CDH6: variants seen among roughly 807,000 people sequenced by gnomAD.
CDH6 encodes the protein cadherin 6.
CDH6 carries 31 observed loss-of-function variants against 78.0 expected under a neutral mutation model. The observed-to-expected ratio is 0.40, with a 90% CI of 0.30 to 0.54. The LOEUF is 0.54. Among genes scored for constraint, CDH6 ranks in the 20% least tolerant of loss-of-function variants. The pLI, the probability that CDH6 is intolerant of heterozygous loss-of-function variation, is 0.56. For synonymous variants in CDH6, 376 were observed against 368.8 expected (o/e 1.02, Z -0.23); for missense variants, 724 against 975.9 (o/e 0.74, Z 3.44).
chr5:31,246,075 AT>A (rs1215286263), intron 1 of CDH6, among the ~76,000 whole-genome samples: 2 of 150,766 alleles, frequency 1.3e-5, no homozygotes, highest in African/African-American at 4.9e-5. Flanking sequence ...ACCCAGCTAA[AT>A]TTTTTTTGTA....
At chr5:31,247,587 G>C (rs1352089941) in intron 1 of CDH6, among the ~76,000 whole-genome samples, 2 of 152,192 alleles carry the variant, frequency 1.3e-5, no homozygotes, top group Non-Finnish European at 2.9e-5. Flanking sequence ...AAGATAAAGT[G>C]CCAAAGTCAT....
chr5:31,240,800 T>C lies in CDH6; in HGVS notation c.-128-26546T>C, dbSNP rs542455819. 1.6e-4 allele frequency among the ~76,000 whole-genome samples: 24 copies of C among 152,318 alleles called. 1 individual carries two copies. The South Asian group carries it at 4.8e-3, about 30-fold the overall frequency. On this transcript the variant is annotated intron_variant, in intron 1 of 11. Coordinates refer to ENST00000265071, the MANE Select transcript of CDH6 (RefSeq NM_004932.4). ...TGATAGTGTCGCTCTGAGTTGTGTG[T>C]GGCACAGTTGAACATTACGAAATGA... is the stretch of plus-strand genomic sequence containing the variant.
At chr5:31,265,938 C>A (rs1742337688) in intron 1 of CDH6, among the ~76,000 whole-genome samples, 2 of 151,480 alleles carry the variant, frequency 1.3e-5, no homozygotes, top group African/African-American at 4.8e-5. Context: ...CCACGCCCGG[C>A]TAATTTTTTG....
At chr5:31,225,830 T>A (rs1741137171) in intron 1 of CDH6, among the ~76,000 whole-genome samples, 1 of 152,194 alleles carries the variant, frequency 6.6e-6, no homozygotes, top group South Asian at 2.1e-4. Context: ...TGGTACTGCA[T>A]GGTGGGTGCG....
chr5:31,309,536 G>GA (rs1738086010), intron 7 of CDH6, among the ~76,000 whole-genome samples: 1 of 151,968 alleles, frequency 6.6e-6, no homozygotes. Context: ...AAATCCAGCT[G>GA]AAATGGGCAG....
rs138602837 is a variant in CDH6 at position 31,323,011 on chromosome 5, T to A, written c.2076T>A (p.Ile692=). The A allele has an allele frequency of 8.7e-6, 14 of 1,614,148 alleles. No individual in the cohort carries two copies. Among genetic ancestry groups the A allele is most frequent in the Non-Finnish European group, 1.1e-5 (13 of 1,180,028 alleles). Residue 692 remains isoleucine, a synonymous_variant, in exon 12 of 12, where the codon ATT becomes ATA. Coordinates refer to ENST00000265071, the MANE Select transcript of CDH6 (RefSeq NM_004932.4). ...AGGACAACAAATTACGAAGGGACAT[T>A]GTGCCCGAAGCCCTTTTCCTACCCC... ...AIEDNKLRRD[I]VPEALFLPRR...
intron 1 of CDH6, among the ~76,000 whole-genome samples, chr5:31,217,203 T>A (rs1407061270): frequency 6.6e-6 from 1 of 152,220 alleles, no homozygotes; most frequent in East Asian, 1.9e-4. Flanking sequence ...TAAATTTAGA[T>A]CCGTTTTAAG....
At position 31,317,836 on chromosome 5, in the gene CDH6, A is replaced by G; in HGVS notation, c.1794A>G (p.Gln598=). The G allele has an allele frequency of 6.2e-7, 1 of 1,614,096 alleles. No homozygotes were observed. ...VCACDHHGNM[Q]SCHAEALIHP... ...CATGTGACCACCACGGGAACATGCA[A>G]TCCTGCCATGCGGAGGCGCTCATCC... Residue 598 remains glutamine (Q), a synonymous_variant, in exon 11 of 12, where the codon CAA becomes CAG. Transcript: ENST00000265071.
intron 1 of CDH6, among the ~76,000 whole-genome samples, chr5:31,227,821 C>T (rs1054161484): frequency 3.9e-5 from 6 of 152,208 alleles, no homozygotes; most frequent in Non-Finnish European, 8.8e-5. Flanking sequence ...AACCATCCTA[C>T]ATCTAAACAA....
intron 1 of CDH6, chr5:31,251,589 G>A (rs1032364688): frequency 6.6e-6 from 1 of 152,152 alleles, no homozygotes; most frequent in African/African-American, 2.4e-5. Flanking sequence ...TTGCAAATGG[G>A]AATTGGAAGT....
chr5:31,300,647 G>A (rs887596174), intron 5 of CDH6, among the ~76,000 whole-genome samples: 1 of 152,124 alleles, frequency 6.6e-6, no homozygotes, highest in Non-Finnish European at 1.5e-5. Context: ...TTTTTAATAT[G>A]GAGATTCCCT....
intron 1 of CDH6, among the ~76,000 whole-genome samples, chr5:31,236,556 G>A (rs578149379): frequency 2.0e-5 from 3 of 152,084 alleles, no homozygotes; most frequent in African/African-American, 4.8e-5. Context: ...GTTGCCACGT[G>A]CTGCATCCTA....
At chr5:31,317,946 C>G (rs758598953) in intron 11 of CDH6, 22 bp downstream of exon 11, 12 of 1,608,774 alleles carry the variant, frequency 7.5e-6, no homozygotes, top group Middle Eastern at 3.3e-4. Context: ...CTCCCTGCCT[C>G]CTATCTCCCC....
intron 8 of CDH6, 103 bp downstream of exon 8, chr5:31,313,557 T>G: frequency 9.2e-7 from 1 of 1,088,498 alleles, no homozygotes; most frequent in Non-Finnish European, 1.3e-6. Flanking sequence ...CAATCCCACT[T>G]GATATATATT....
intron 1 of CDH6, among the ~76,000 whole-genome samples, chr5:31,200,406 AT>A (rs1740317498): frequency 6.6e-6 from 1 of 151,962 alleles, no homozygotes; most frequent in Non-Finnish European, 1.5e-5. Context: ...TGGATGTAGC[AT>A]TTGGGACTCT....
chr5:31,247,475 C>G (rs1444618209), intron 1 of CDH6, among the ~76,000 whole-genome samples: 1 of 152,160 alleles, frequency 6.6e-6, no homozygotes, highest in African/African-American at 2.4e-5. Flanking sequence ...TTGCTGCCCC[C>G]ACATTGACTG....
At chr5:31,257,599 C>G (rs1443373804) in intron 1 of CDH6, among the ~76,000 whole-genome samples, 1 of 152,216 alleles carries the variant, frequency 6.6e-6, no homozygotes, top group Non-Finnish European at 1.5e-5. Flanking sequence ...GTGCCAGGCA[C>G]TGTTCTTGGC....
chr5:31,304,424 C>T (rs1312071917), intron 6 of CDH6, among the ~76,000 whole-genome samples: 4 of 152,124 alleles, frequency 2.6e-5, no homozygotes, highest in South Asian at 2.1e-4. Flanking sequence ...CCGTGGCTCA[C>T]GCTTGTAATC....
At chr5:31,268,328 T>C (rs1402521923) in intron 2 of CDH6, among the ~76,000 whole-genome samples, 2 of 152,198 alleles carry the variant, frequency 1.3e-5, no homozygotes, top group African/African-American at 4.8e-5. Flanking sequence ...AAGAGAAAAA[T>C]GCTTATGTAA....
Sources: allele counts gnomAD v4.1 joint callset (sites outside exome capture counted in the v4.1 genomes callset), GRCh38; gene constraint gnomAD v4.1.1; transcripts MANE v1.5; gene names NCBI Gene and HGNC (gene_info 2026-07-23, HGNC 2026-07-21).